Variants in CTIF observed in about 807,000 individuals in gnomAD.
The protein encoded by CTIF is CBP80/20-dependent translation initiation factor.
A neutral mutation model predicts 66.0 loss-of-function variants in CTIF; 21 were observed. That is an observed-to-expected ratio of 0.32 (90% CI 0.23 to 0.46). CTIF has a LOEUF of 0.46. Ranked by LOEUF, CTIF falls within the 20% of genes least tolerant of loss-of-function variation. CTIF has a pLI of 1.00. For synonymous variants in CTIF, 345 were observed against 326.4 expected (o/e 1.06, Z -0.62); for missense variants, 739 against 812.7 (o/e 0.91, Z 1.10).
At chr18:48,601,417 C>T (rs931720520) in intron 1 of CTIF, among the ~76,000 whole-genome samples, 11 of 152,218 alleles carry the variant, frequency 7.2e-5, no homozygotes, top group East Asian at 5.8e-4. Context: ...TTGGCAAGGG[C>T]GTTGCCAGAC....
At chr18:48,636,771 G>A (rs2090831198) in intron 3 of CTIF, 86 bp downstream of exon 3, 1 of 1,035,458 alleles carries the variant, frequency 9.7e-7, no homozygotes, top group African/African-American at 1.6e-5. Flanking sequence ...TGGCTCCTGA[G>A]GAGTGGTGAC....
chr18:48,619,739 C>T lies in CTIF; in HGVS notation c.174C>T (p.Ile58=). ...AGAGCGAGAGGACCCAGTCCCACAT[C>T]TCCCAGGTGAGCGCGGGCCCGGGGT... ...DGESERTQSH[I]SQWTADCSEP... is the part of the protein sequence containing the mutation. Residue 58 remains isoleucine (I), a synonymous_variant, in exon 2 of 12, where the codon ATC becomes ATT. Transcript: ENST00000256413. The T allele has an allele frequency of 6.3e-7, 1 of 1,591,564 alleles. No homozygotes were observed. The highest frequency in any genetic ancestry group is 8.6e-7 in the Non-Finnish European group (1 of 1,169,142).
At chr18:48,730,388 T>TCTG (rs2092435077) in intron 7 of CTIF, among the ~76,000 whole-genome samples, 1 of 123,230 alleles carries the variant, frequency 8.1e-6, no homozygotes, top group Non-Finnish European at 1.7e-5. Flanking sequence ...GAGGGGCTCC[T>TCTG]GCTGTGTGAG....
rs2069463350 is a variant in CTIF at position 48,861,371 on chromosome 18, T to G, written c.*1812T>G. On this transcript the variant is annotated 3_prime_UTR_variant, in exon 12 of 12. Coordinates refer to ENST00000256413, the MANE Select transcript of CTIF (RefSeq NM_014772.3). ...CCTGCCTTCTTCCTCCCTCCACGGT[T>G]TCTTCCCAGACTTTCTCAAGCTCCT... 6.5e-6 allele frequency: 1 copy of G among 152,826 alleles called. No individual in the cohort carries two copies. Among genetic ancestry groups the G allele is most frequent in the African/African-American group, 2.4e-5 (1 of 41,468 alleles). 9.5% of individuals were successfully genotyped at this position (152,826 alleles called of 1,614,324 possible). A position where few individuals can be genotyped will look rare whatever the true frequency, so the allele number is the denominator to read the frequency against.
At chr18:48,670,828 A>T in intron 6 of CTIF, 84 bp downstream of exon 6, 1 of 1,190,410 alleles carries the variant, frequency 8.4e-7, no homozygotes, top group Non-Finnish European at 1.2e-6. Context: ...TAACCAAAGC[A>T]CTCCTTCTGG....
chr18:48,647,029 G>C (rs1018848720), intron 3 of CTIF, among the ~76,000 whole-genome samples: 3 of 151,920 alleles, frequency 2.0e-5, no homozygotes, highest in African/African-American at 7.3e-5. Context: ...GTACTCAACT[G>C]TTTGTAGCAG....
At chr18:48,846,422 A>G (rs2069073384) in intron 10 of CTIF, among the ~76,000 whole-genome samples, 2 of 152,142 alleles carry the variant, frequency 1.3e-5, no homozygotes. Context: ...CACACCATAG[A>G]TATTTCATAA....
intron 2 of CTIF, among the ~76,000 whole-genome samples, chr18:48,623,513 A>G (rs2090535618): frequency 6.6e-6 from 1 of 151,770 alleles, no homozygotes; most frequent in African/African-American, 2.4e-5. Context: ...CTTTATGGGA[A>G]ATATTTCTGC....
chr18:48,689,250 C>T (rs534132901), intron 6 of CTIF, among the ~76,000 whole-genome samples: 58 of 152,304 alleles, frequency 3.8e-4, no homozygotes, highest in South Asian at 1.4e-3. Flanking sequence ...AGCCACATGG[C>T]GACTTTTTGC....
At chr18:48,755,237 G>A (rs1283885421) in intron 7 of CTIF, among the ~76,000 whole-genome samples, 2 of 152,238 alleles carry the variant, frequency 1.3e-5, no homozygotes, top group Non-Finnish European at 2.9e-5. Flanking sequence ...AAAGAACAAA[G>A]AGAATGGAAG....
chr18:48,862,098 C>G lies in CTIF; in HGVS notation c.*2539C>G, dbSNP rs140433571. 2 of 152,030 alleles carry G rather than the reference C, an allele frequency of 1.3e-5. No homozygotes were observed. The highest frequency in any genetic ancestry group is 1.3e-4 in the Admixed American group (2 of 15,274). 9.4% of individuals were successfully genotyped at this position (152,030 alleles called of 1,614,324 possible). On this transcript the variant is annotated 3_prime_UTR_variant, in exon 12 of 12. Transcript: ENST00000256413. ...CAGTCAAGCCTAAAATTTGAGACCC[C>G]GAGGCAGCTTCCCGAGGGAGACTGC...
intron 1 of CTIF, among the ~76,000 whole-genome samples, chr18:48,601,959 C>T (rs1054892577): frequency 6.6e-6 from 1 of 152,220 alleles, no homozygotes; most frequent in African/African-American, 2.4e-5. Flanking sequence ...AATTGGCTTG[C>T]TCGTTTCACT....
At chr18:48,561,497 C>G (rs1055976614) in intron 1 of CTIF, among the ~76,000 whole-genome samples, 2 of 152,178 alleles carry the variant, frequency 1.3e-5, no homozygotes, top group African/African-American at 4.8e-5. Flanking sequence ...AGACCATCCA[C>G]AGTTAAGACC....
At chr18:48,782,212 A>C (rs1911300642) in intron 9 of CTIF, among the ~76,000 whole-genome samples, 1 of 151,858 alleles carries the variant, frequency 6.6e-6, no homozygotes, top group South Asian at 2.1e-4. Flanking sequence ...GTGTTTGGTC[A>C]TGGGCTTGCA....
intron 1 of CTIF, among the ~76,000 whole-genome samples, chr18:48,619,041 G>T (rs545992360): frequency 3.3e-5 from 5 of 152,316 alleles, no homozygotes; most frequent in African/African-American, 1.2e-4. Flanking sequence ...TCTGGTGACT[G>T]AAAAGAAAAA....
At chr18:48,722,627 C>T (rs2092349577) in intron 7 of CTIF, among the ~76,000 whole-genome samples, 1 of 151,626 alleles carries the variant, frequency 6.6e-6, no homozygotes, top group Non-Finnish European at 1.5e-5. Flanking sequence ...CGGCCGTACT[C>T]ATCGGCACTC....
At position 48,752,774 on chromosome 18, in the gene CTIF, G is replaced by A. The variant is rs73956021; in HGVS notation, c.585-5145G>A. On this transcript the variant is annotated intron_variant, in intron 7 of 11. Coordinates refer to ENST00000256413, the MANE Select transcript of CTIF (RefSeq NM_014772.3). ...GTCCTGCGGGGGACACCCATCATCC[G>A]AATCAGCCCTGCGCGCACCATGGGT... Among the ~76,000 whole-genome samples the A allele has an allele frequency of 2.4e-3, 369 of 152,322 alleles. 2 individuals are homozygous for A. Among genetic ancestry groups the A allele is most frequent in the African/African-American group, 7.7e-3 (321 of 41,576 alleles).
chr18:48,787,012 A>T (rs1911770115), intron 9 of CTIF, among the ~76,000 whole-genome samples: 1 of 152,124 alleles, frequency 6.6e-6, no homozygotes, highest in South Asian at 2.1e-4. Context: ...CAGCCCATCC[A>T]TATGGTTCAT....
At chr18:48,852,534 C>A (rs1344589347) in intron 10 of CTIF, among the ~76,000 whole-genome samples, 1 of 152,172 alleles carries the variant, frequency 6.6e-6, no homozygotes, top group East Asian at 1.9e-4. Flanking sequence ...ATGAGGGAGA[C>A]CGTTGCCTGT....
Sources: allele counts gnomAD v4.1 joint callset (sites outside exome capture counted in the v4.1 genomes callset), GRCh38; gene constraint gnomAD v4.1.1; transcripts MANE v1.5; gene names NCBI Gene and HGNC (gene_info 2026-07-23, HGNC 2026-07-21).